Variants in RAP1GAP2 observed in about 807,000 individuals in gnomAD.
RAP1GAP2 encodes rap1 GTPase-activating protein 2.
RAP1GAP2 carries 27 observed loss-of-function variants against 95.0 expected under a neutral mutation model. The observed-to-expected ratio is 0.28, with a 90% CI of 0.21 to 0.39. The LOEUF (loss-of-function observed/expected upper bound fraction) is 0.39, where lower values mean the gene tolerates loss of function less well. Among genes scored for constraint, RAP1GAP2 ranks in the 10% least tolerant of loss-of-function variants. The probability of loss-of-function intolerance (pLI) is 1.00; values close to 1 mark genes in which losing one functional copy is unlikely to be tolerated. For missense variants in RAP1GAP2, 771 were observed against 970.0 expected (o/e 0.79, Z 2.72); for synonymous variants, 373 against 380.9 (o/e 0.98, Z 0.24).
intron 2 of RAP1GAP2, among the ~76,000 whole-genome samples, chr17:2,861,663 G>A (rs554367875): frequency 1.3e-5 from 2 of 150,292 alleles, no homozygotes; most frequent in African/African-American, 2.5e-5. Flanking sequence ...GGGGGGGGAC[G>A]GAGTCTCGCT....
Position 2,904,945 on chromosome 17 carries a change from C to T in RAP1GAP2, c.81-339C>T, listed in dbSNP as rs1212755373. On this transcript the variant is annotated intron_variant, in intron 2 of 24. Transcript: ENST00000254695. The surrounding 1 kb of genome is among the most constrained non-coding windows in gnomAD (Gnocchi z 4.7). The stretch of plus-strand genomic sequence containing the variant: ...TGCCCAGGCTGGAGTGCAGTGGCGC[C>T]ATCTTGGCTCACTGCAACCTCCACC... 3.9e-5 allele frequency among the ~76,000 whole-genome samples: 6 copies of T among 152,030 alleles called. No individual in the cohort carries two copies. The highest frequency in any genetic ancestry group is 1.2e-4 in the African/African-American group (5 of 41,388).
rs1259872289 is a variant in RAP1GAP2 at position 3,021,682 on chromosome 17, G to A, written c.1751+1087G>A. 4.6e-5 allele frequency among the ~76,000 whole-genome samples: 7 copies of A among 152,244 alleles called. No individual in the cohort carries two copies. The South Asian group carries it at 6.2e-4, about 14-fold the overall frequency. On this transcript the variant is annotated intron_variant, in intron 19 of 24. Transcript: ENST00000254695. ...ACTCCTGACCTCAAGTGATCCACCC[G>A]CCTTGGCCTCCCAAAGTGTTGGGAT...
At chr17:2,891,809 CTTTTCTTTTTTTT>C (rs2073727034) in intron 2 of RAP1GAP2, among the ~76,000 whole-genome samples, 2 of 58,030 alleles carry the variant, frequency 3.4e-5, no homozygotes, top group Non-Finnish European at 8.1e-5. Context: ...ATTCATATTT[CTTTTCTTTTTTTT>C]TTTTTTTTTT....
At chr17:2,868,092 T>C (rs1424736748) in intron 2 of RAP1GAP2, among the ~76,000 whole-genome samples, 1 of 152,172 alleles carries the variant, frequency 6.6e-6, no homozygotes. Flanking sequence ...GATTGGATAA[T>C]GTGTCCCCTT....
intron 24 of RAP1GAP2, among the ~76,000 whole-genome samples, chr17:3,032,775 C>T (rs1434438813): frequency 1.3e-5 from 2 of 152,208 alleles, no homozygotes; most frequent in East Asian, 3.9e-4. Context: ...TTCCTGAGGG[C>T]TCCCTTGCTC....
chr17:2,806,376 T>TTTATTATTATTATTATTGTTATTATTA (rs1555545386), intron 2 of RAP1GAP2, among the ~76,000 whole-genome samples: 1 of 139,942 alleles, frequency 7.1e-6, no homozygotes, highest in African/African-American at 2.7e-5. Context: ...CTACAACCTT[T>TTTATTATTATTATTATTGTTATTATTA]TTATTATTAT....
rs1490153537 is a variant in RAP1GAP2 at position 2,827,865 on chromosome 17, T to C, written c.80+27315T>C. On this transcript the variant is annotated intron_variant, in intron 2 of 24. Coordinates refer to ENST00000254695, the MANE Select transcript of RAP1GAP2 (RefSeq NM_015085.5). This position sits in a 1 kb window ranked among gnomAD's most constrained non-coding sequence, Gnocchi z 4.1. ...GGGGGAGGGTTCATACACGATCGGT[T>C]GCAGCAGGCACGCCAGTGACGGTGG... 6.6e-6 allele frequency among the ~76,000 whole-genome samples: 1 copy of C among 151,468 alleles called. No homozygotes were observed. The highest frequency in any genetic ancestry group is 2.4e-5 in the African/African-American group (1 of 41,232).
chr17:2,796,708 T>G lies in RAP1GAP2; in HGVS notation c.44+137T>G, dbSNP rs1040802487. The G allele has an allele frequency of 2.5e-4, 243 of 985,756 alleles. No individual in the cohort carries two copies. Among genetic ancestry groups the G allele is most frequent in the Non-Finnish European group, 3.7e-4 (235 of 641,032 alleles). 61.1% of individuals were successfully genotyped at this position (985,756 alleles called of 1,614,324 possible). ...CTGGGTCTGCTGACGCCCTGGCAGG[T>G]CGAGATGCAGGATCCTGGTGGGGAC... is the stretch of plus-strand genomic sequence containing the variant. On this transcript the variant is annotated intron_variant, in intron 1 of 24. Transcript: ENST00000254695. This position sits in a 1 kb window ranked among gnomAD's most constrained non-coding sequence, Gnocchi z 4.7.
chr17:2,930,545 G>T (rs2043108410), intron 3 of RAP1GAP2, among the ~76,000 whole-genome samples: 1 of 152,216 alleles, frequency 6.6e-6, no homozygotes, highest in African/African-American at 2.4e-5. Context: ...GTCTTGCCTG[G>T]CCTGCAGCTT....
upstream of RAP1GAP2, among the ~76,000 whole-genome samples, chr17:2,795,227 A>G (rs1235531713): frequency 1.4e-5 from 2 of 140,548 alleles, no homozygotes; most frequent in African/African-American, 2.7e-5. Flanking sequence ...CCCTTTCTCC[A>G]CTGCTTGGGG....
chr17:2,823,300 C>G (rs955789859), intron 2 of RAP1GAP2, among the ~76,000 whole-genome samples: 6 of 152,128 alleles, frequency 3.9e-5, no homozygotes, highest in South Asian at 4.1e-4. Flanking sequence ...GGTCTCCCAC[C>G]CCGGGGCCTA....
At chr17:2,786,737 C>T (rs1322056114) in intron 1 of RAP1GAP2, among the ~76,000 whole-genome samples, 1 of 151,856 alleles carries the variant, frequency 6.6e-6, no homozygotes, top group African/African-American at 2.4e-5. Context: ...CCTCTGCCTC[C>T]CGGATTCAAG....
chr17:2,990,021 T>C (rs1254408664), intron 11 of RAP1GAP2, among the ~76,000 whole-genome samples: 1 of 152,220 alleles, frequency 6.6e-6, no homozygotes, highest in East Asian at 1.9e-4. Flanking sequence ...TTTCTTTCAC[T>C]CAGCGTAATA....
chr17:2,913,677 A>C (rs1224507646), intron 3 of RAP1GAP2, among the ~76,000 whole-genome samples: 4 of 152,140 alleles, frequency 2.6e-5, no homozygotes, highest in Non-Finnish European at 5.9e-5. Flanking sequence ...CAGACACAGA[A>C]ATGCGTAAGT....
At chr17:3,013,847 T>G (rs1224425457) in intron 17 of RAP1GAP2, among the ~76,000 whole-genome samples, 1 of 152,080 alleles carries the variant, frequency 6.6e-6, no homozygotes, top group African/African-American at 2.4e-5. Flanking sequence ...TCAGAACTTT[T>G]TCTGTCCAAT....
At chr17:2,989,037 T>C (rs9907761) in intron 11 of RAP1GAP2, among the ~76,000 whole-genome samples, 64,203 of 151,560 alleles carry the variant, frequency 0.42, 14,410 homozygotes, top group African/African-American at 0.58. Flanking sequence ...CTAGCCTGGG[T>C]GACAGAGTGA....
intron 3 of RAP1GAP2, among the ~76,000 whole-genome samples, chr17:2,922,337 C>T (rs980318801): frequency 2.6e-5 from 4 of 152,222 alleles, no homozygotes; most frequent in African/African-American, 4.8e-5. Context: ...ATTCCATCAC[C>T]TTGGGAGGGA....
upstream of RAP1GAP2, among the ~76,000 whole-genome samples, chr17:2,796,073 C>A (rs75223478): frequency 1.5e-3 from 221 of 152,256 alleles, no homozygotes; most frequent in African/African-American, 5.1e-3. The surrounding 1 kb of genome is among the most constrained non-coding windows in gnomAD (Gnocchi z 4.7). Context: ...TCTCAGGCAG[C>A]CCTCGGGAGT....
chr17:2,863,095 A>C lies in RAP1GAP2; in HGVS notation c.81-42189A>C, dbSNP rs78062351. Among the ~76,000 whole-genome samples the C allele has an allele frequency of 3.7e-4, 56 of 151,138 alleles. 1 individual carries two copies. The East Asian group carries it at 7.8e-3, about 21-fold the overall frequency. On this transcript the variant is annotated intron_variant, in intron 2 of 24. Coordinates refer to ENST00000254695, the MANE Select transcript of RAP1GAP2 (RefSeq NM_015085.5). ...GGTGCCCGGGGTACCCTTTATACCCATGGCAGAAGGAAGAACATGGCTGGT... is the reference window on the plus strand; with the variant it reads ...GGTGCCCGGGGTACCCTTTATACCCCTGGCAGAAGGAAGAACATGGCTGGT...
Sources: allele counts gnomAD v4.1 joint callset (sites outside exome capture counted in the v4.1 genomes callset), GRCh38; gene constraint gnomAD v4.1.1; non-coding constraint Gnocchi (gnomAD v3.1); transcripts MANE v1.5; gene names NCBI Gene and HGNC (gene_info 2026-07-23, HGNC 2026-07-21).